Variants in MBOAT2 observed in about 807,000 individuals in gnomAD.
MBOAT2 encodes membrane bound glycerophospholipid O-acyltransferase 2.
MBOAT2 carries 28 observed loss-of-function variants against 63.4 expected under a neutral mutation model. That is an observed-to-expected ratio of 0.44 (90% CI 0.33 to 0.61). The LOEUF (loss-of-function observed/expected upper bound fraction) is 0.61. Ranked by LOEUF, MBOAT2 falls within the 20% of genes least tolerant of loss-of-function variation. MBOAT2 has a pLI of 0.03. For missense variants in MBOAT2, 470 were observed against 605.8 expected (o/e 0.78, Z 2.35); for synonymous variants, 211 against 215.6 (o/e 0.98, Z 0.19).
intron 5 of MBOAT2, among the ~76,000 whole-genome samples, chr2:8,884,088 T>C (rs1218904689): frequency 6.9e-6 from 1 of 145,974 alleles, no homozygotes; most frequent in African/African-American, 2.5e-5. Context: ...AAAAAAAAAT[T>C]AGTTGGGTGT....
At chr2:8,907,805 T>C (rs145200048) in intron 4 of MBOAT2, among the ~76,000 whole-genome samples, 1 of 152,224 alleles carries the variant, frequency 6.6e-6, no homozygotes, top group African/African-American at 2.4e-5. Flanking sequence ...TTCCTCTTTC[T>C]CTTCTAAAAC....
intron 3 of MBOAT2, among the ~76,000 whole-genome samples, chr2:8,940,105 C>A (rs1667944439): frequency 6.6e-6 from 1 of 151,916 alleles, no homozygotes; most frequent in African/African-American, 2.4e-5. Flanking sequence ...GGGGCCACCA[C>A]CTCTCAAGCA....
At chr2:8,946,437 G>C (rs908356572) in intron 2 of MBOAT2, among the ~76,000 whole-genome samples, 3 of 152,082 alleles carry the variant, frequency 2.0e-5, no homozygotes, top group African/African-American at 7.2e-5. Flanking sequence ...AAAAAGCTAA[G>C]ACCAAAGAGA....
chr2:8,907,379 G>A (rs1216261854), intron 4 of MBOAT2, among the ~76,000 whole-genome samples: 2 of 152,184 alleles, frequency 1.3e-5, no homozygotes, highest in Non-Finnish European at 2.9e-5. Flanking sequence ...CAATATAGGT[G>A]CAAATTCTCA....
chr2:8,971,856 C>T lies in MBOAT2; in HGVS notation c.76-13214G>A, dbSNP rs184257273. Among the ~76,000 whole-genome samples the T allele has an allele frequency of 6.5e-3, 990 of 151,988 alleles. 15 individuals carry two copies. Among genetic ancestry groups the T allele is most frequent in the African/African-American group, 0.022 (930 of 41,448 alleles). On this transcript the variant is annotated intron_variant, in intron 1 of 12. Coordinates refer to ENST00000305997, the MANE Select transcript of MBOAT2 (RefSeq NM_138799.4). ...AGGAGAACTACAAACCACTGCTCAA[C>T]GAAATAAAAGAGGATACCAACAAAT...
In MBOAT2 at chr2:8,860,624, G is replaced by A. The variant is rs1661427492; in HGVS notation, c.1326C>T (p.Leu442=). The change falls in exon 12 of 13, where the codon CTC becomes CTT. Residue 442 remains leucine (L), a synonymous_variant. Coordinates refer to ENST00000305997, the MANE Select transcript of MBOAT2 (RefSeq NM_138799.4). ...AGAGTAACACTTACCTGTAAAACGT[G>A]AGTGATGGTTTTATAGAAAGAAGCA... ...PFVLLSIKPS[L]TFYSSWYYCL... is the part of the protein sequence containing the mutation. 1.9e-6 allele frequency: 3 copies of A among 1,612,450 alleles called. No individual in the cohort carries two copies. The highest frequency in any genetic ancestry group is 2.7e-5 in the African/African-American group (2 of 74,854).
In MBOAT2 at chr2:8,863,254, G is replaced by C. The variant is rs551879721; in HGVS notation, c.1053-532C>G. On this transcript the variant is annotated intron_variant, in intron 10 of 12. Coordinates refer to ENST00000305997, the MANE Select transcript of MBOAT2 (RefSeq NM_138799.4). ...GCTCAGAGGATCTGCAGCCACTGGG[G>C]AGACTGCCAGGCACTGTGAAGAGAT... Among the ~76,000 whole-genome samples, 43 of 152,262 alleles carry C rather than the reference G, an allele frequency of 2.8e-4. 1 individual carries two copies. In the South Asian group the frequency reaches 8.5e-3, roughly 30 times the overall value.
chr2:8,911,009 G>A (rs57718611), intron 3 of MBOAT2, among the ~76,000 whole-genome samples: 37 of 152,244 alleles, frequency 2.4e-4, no homozygotes, highest in African/African-American at 8.7e-4. Context: ...ACTGGGTCTG[G>A]GCCCTAAATC....
At chr2:8,925,424 T>C (rs906508905) in intron 3 of MBOAT2, among the ~76,000 whole-genome samples, 2 of 152,226 alleles carry the variant, frequency 1.3e-5, no homozygotes, top group African/African-American at 4.8e-5. Context: ...TACAGTTCTT[T>C]ACATCCCATA....
intron 1 of MBOAT2, among the ~76,000 whole-genome samples, chr2:8,973,079 C>T (rs79106138): frequency 0.88 from 133,387 of 152,222 alleles, 58,543 homozygotes; most frequent in East Asian, 0.96. Context: ...CATATTTTTA[C>T]TGTGGCACTA....
chr2:8,974,406 AAG>A (rs1670671503), intron 1 of MBOAT2: 1 of 456,574 alleles, frequency 2.2e-6, no homozygotes, highest in Non-Finnish European at 4.4e-6. Flanking sequence ...CGGAAGGGGA[AAG>A]ACACCCGGGA....
intron 1 of MBOAT2, among the ~76,000 whole-genome samples, chr2:8,999,075 T>C (rs760610767): frequency 6.6e-6 from 1 of 152,190 alleles, no homozygotes; most frequent in African/African-American, 2.4e-5. Context: ...TAGTAACATA[T>C]AACCATTCCT....
chr2:8,883,651 C>A (rs1224639551), intron 5 of MBOAT2, among the ~76,000 whole-genome samples: 1 of 152,040 alleles, frequency 6.6e-6, no homozygotes, highest in Non-Finnish European at 1.5e-5. Flanking sequence ...AATGAGGTAC[C>A]AAGAGGAACT....
chr2:8,992,999 A>T (rs1476753302), intron 1 of MBOAT2, among the ~76,000 whole-genome samples: 2 of 152,186 alleles, frequency 1.3e-5, no homozygotes, highest in Non-Finnish European at 2.9e-5. Flanking sequence ...GAGATATCCC[A>T]AAGGAGTCTT....
chr2:8,892,774 T>C (rs1664097893), intron 4 of MBOAT2, among the ~76,000 whole-genome samples: 1 of 151,972 alleles, frequency 6.6e-6, no homozygotes, highest in South Asian at 2.1e-4. Flanking sequence ...GGTAAAAATA[T>C]TCCAGGAAGA....
intron 12 of MBOAT2, 110 bp from the exon 13 acceptor site, chr2:8,859,014 A>G: frequency 1.4e-6 from 1 of 739,482 alleles, no homozygotes. Flanking sequence ...TTTGTTTACT[A>G]CATTACTACA....
At chr2:8,887,186 G>A (rs1270615202) in intron 5 of MBOAT2, among the ~76,000 whole-genome samples, 1 of 152,108 alleles carries the variant, frequency 6.6e-6, no homozygotes, top group Non-Finnish European at 1.5e-5. Context: ...TTTTCTGAAG[G>A]GCAGAAAGAT....
At chr2:8,930,706 G>T (rs550682181) in intron 3 of MBOAT2, among the ~76,000 whole-genome samples, 1 of 122,264 alleles carries the variant, frequency 8.2e-6, no homozygotes, top group South Asian at 3.2e-4. Flanking sequence ...ACACACCGGG[G>T]ACTGTTGTGG....
chr2:8,866,296 T>C (rs574120566), intron 9 of MBOAT2, among the ~76,000 whole-genome samples: 7 of 152,202 alleles, frequency 4.6e-5, no homozygotes, highest in African/African-American at 1.4e-4. Flanking sequence ...AGTGTATCAA[T>C]AGGTATACAG....
Sources: allele counts gnomAD v4.1 joint callset (sites outside exome capture counted in the v4.1 genomes callset), GRCh38; gene constraint gnomAD v4.1.1; transcripts MANE v1.5; gene names NCBI Gene and HGNC (gene_info 2026-07-23, HGNC 2026-07-21).